The following HMCN1 variants were observed in gnomAD, a reference collection of about 807,000 sequenced individuals.
The protein encoded by HMCN1 is hemicentin 1, also known as hemicentin-1.
In HMCN1, 321 loss-of-function variants were observed where a neutral mutation model predicts 625.9. That is an observed-to-expected ratio of 0.51 (90% CI 0.47 to 0.56). The LOEUF (loss-of-function observed/expected upper bound fraction) is 0.56. Among genes scored for constraint, HMCN1 ranks in the 20% least tolerant of loss-of-function variants. HMCN1 has a pLI of 0.00. For missense variants in HMCN1, 6,588 were observed against 6,887.3 expected (o/e 0.96, Z 1.54); for synonymous variants, 2,425 against 2,417.6 (o/e 1.00, Z -0.09).
chr1:185,930,923 C>T (rs1005799451), intron 10 of HMCN1, among the ~76,000 whole-genome samples: 9 of 151,728 alleles, frequency 5.9e-5, no homozygotes, highest in African/African-American at 2.2e-4. Context: ...CACACACACA[C>T]ACACACACAC....
chr1:186,001,563 G>A, intron 27 of HMCN1, 31 bp from the exon 28 acceptor site: 1 of 1,611,936 alleles, frequency 6.2e-7, no homozygotes, highest in Non-Finnish European at 8.5e-7. Flanking sequence ...ATTAGGATTG[G>A]AAATAACACT....
intron 1 of HMCN1, among the ~76,000 whole-genome samples, chr1:185,814,535 A>G (rs986653623): frequency 1.3e-5 from 2 of 152,128 alleles, no homozygotes; most frequent in African/African-American, 4.8e-5. Context: ...AGTCAGTAGA[A>G]AATAAATTTC....
intron 1 of HMCN1, among the ~76,000 whole-genome samples, chr1:185,835,412 G>A (rs772314424): frequency 2.6e-5 from 4 of 151,840 alleles, no homozygotes; most frequent in Non-Finnish European, 5.9e-5. Flanking sequence ...TTCAATTGCC[G>A]CAGTGCATTG....
intron 4 of HMCN1, among the ~76,000 whole-genome samples, chr1:185,873,150 T>A (rs1321272214): frequency 6.6e-6 from 1 of 152,164 alleles, no homozygotes; most frequent in Non-Finnish European, 1.5e-5. Context: ...TGACTCTATT[T>A]TGATTAGAAG....
At chr1:186,001,143 C>CT in intron 26 of HMCN1, among the ~76,000 whole-genome samples, 155 bp from the exon 27 acceptor site, 1 of 152,070 alleles carries the variant, frequency 6.6e-6, no homozygotes, top group African/African-American at 2.4e-5. Context: ...TTGGTCAAAA[C>CT]TTTTTAATTT....
At chr1:185,921,872 G>C (rs1667023050) in intron 6 of HMCN1, among the ~76,000 whole-genome samples, 1 of 152,176 alleles carries the variant, frequency 6.6e-6, no homozygotes, top group South Asian at 2.1e-4. Flanking sequence ...GCCTTTGCTA[G>C]AACACTGCTG....
intron 1 of HMCN1, among the ~76,000 whole-genome samples, chr1:185,806,546 CAAAAAAAA>C (rs34411405): frequency 9.7e-6 from 1 of 103,408 alleles, no homozygotes; most frequent in African/African-American, 3.3e-5. Flanking sequence ...GACCCTGTCT[CAAAAAAAA>C]AAAAAAAAAA....
At chr1:186,179,054 C>T (rs141049237) in intron 104 of HMCN1, among the ~76,000 whole-genome samples, 2 of 152,302 alleles carry the variant, frequency 1.3e-5, no homozygotes, top group African/African-American at 2.4e-5. Context: ...AAATAAATTT[C>T]AGTGGCATCC....
intron 11 of HMCN1, among the ~76,000 whole-genome samples, chr1:185,940,827 G>A (rs919929227): frequency 6.6e-6 from 1 of 151,886 alleles, no homozygotes; most frequent in African/African-American, 2.4e-5. Flanking sequence ...GCAATGGCAC[G>A]ATCTTGGCTC....
chr1:186,189,446 C>T (rs1653572567), intron 106 of HMCN1, 66 bp from the exon 107 acceptor site: 1 of 1,561,194 alleles, frequency 6.4e-7, no homozygotes, highest in African/African-American at 1.3e-5. Flanking sequence ...GGATCATGAT[C>T]ACCTATATCA....
intron 73 of HMCN1, among the ~76,000 whole-genome samples, chr1:186,114,361 A>T (rs1348755576): frequency 6.6e-6 from 1 of 151,966 alleles, no homozygotes; most frequent in Non-Finnish European, 1.5e-5. Context: ...GGTTCAATTG[A>T]TTCTCCTGCC....
intron 2 of HMCN1, among the ~76,000 whole-genome samples, chr1:185,846,580 T>C (rs532422180): frequency 3.7e-4 from 57 of 152,354 alleles, no homozygotes; most frequent in Middle Eastern, 6.8e-3. Context: ...GTTTAAATGT[T>C]ATTCTGAAAA....
At chr1:185,921,119 T>C (rs907905314) in intron 6 of HMCN1, among the ~76,000 whole-genome samples, 2 of 152,088 alleles carry the variant, frequency 1.3e-5, no homozygotes, top group African/African-American at 4.8e-5. Context: ...CATTGACAAA[T>C]AATGGGATAA....
Position 185,933,633 on chromosome 1 carries a change from C to T in HMCN1, c.1637C>T (p.Ala546Val), listed in dbSNP as rs753767956. Residue 546 changes from alanine to valine, a missense_variant, in exon 11 of 107, where the codon GCG becomes GTG. By Grantham distance (64) the Ala-to-Val change is moderately conservative. This residue lies in a region of HMCN1 where 4,628 missense variants were observed against 4,853.1 expected (regional missense o/e 0.95). Transcript: ENST00000271588. ...RAVLTCLIIS[A>V]VDYNLTWQRN... ...GTTTTAACATGTCTCATCATCAGTG[C>T]GGTGGATTACAATCTAACCTGGCAG... is the stretch of plus-strand genomic sequence containing the variant. 1.7e-5 allele frequency: 28 copies of T among 1,613,810 alleles called. No individual in the cohort carries two copies. The highest frequency in any genetic ancestry group is 1.6e-4 in the Middle Eastern group (1 of 6,084).
At chr1:185,970,303 T>G in intron 14 of HMCN1, 32 bp from the exon 15 acceptor site, 2 of 1,587,886 alleles carry the variant, frequency 1.3e-6, no homozygotes, top group Non-Finnish European at 1.7e-6. Context: ...AATACTTTAG[T>G]GTTTAATGTT....
intron 1 of HMCN1, among the ~76,000 whole-genome samples, chr1:185,794,265 T>C (rs1332375507): frequency 1.3e-5 from 2 of 152,026 alleles, no homozygotes; most frequent in Non-Finnish European, 2.9e-5. Context: ...ATTATGAATT[T>C]AGCTAAGTTT....
intron 3 of HMCN1, among the ~76,000 whole-genome samples, chr1:185,865,184 C>G (rs1663101884): frequency 6.6e-6 from 1 of 152,204 alleles, no homozygotes; most frequent in Non-Finnish European, 1.5e-5. Flanking sequence ...GTCTTACCCT[C>G]TTTTTGAGAC....
chr1:185,987,463 A>T lies in HMCN1; in HGVS notation c.2967A>T (p.Ile989=), dbSNP rs1287264689. 6.2e-7 allele frequency: 1 copy of T among 1,613,824 alleles called. No homozygotes were observed. Among genetic ancestry groups the T allele is most frequent in the South Asian group, 1.1e-5 (1 of 91,080 alleles). Residue 989 remains isoleucine, a synonymous_variant, in exon 20 of 107, where the codon ATA becomes ATT. Coordinates refer to ENST00000271588, the MANE Select transcript of HMCN1 (RefSeq NM_031935.3). ...CAACCATTCAGCATGGGCAGCAGATACTCAGTACAATTGAAGGCATTCCAG... is the reference window on the plus strand; with the variant it reads ...CAACCATTCAGCATGGGCAGCAGATTCTCAGTACAATTGAAGGCATTCCAG... ...VLPTIQHGQQ[I]LSTIEGIPVT...
At chr1:185,912,460 G>A (rs948044006) in intron 6 of HMCN1, among the ~76,000 whole-genome samples, 1 of 152,146 alleles carries the variant, frequency 6.6e-6, no homozygotes, top group Non-Finnish European at 1.5e-5. Context: ...TTGGCAGTAC[G>A]GAGGAAAAAA....
Sources: allele counts gnomAD v4.1 joint callset (sites outside exome capture counted in the v4.1 genomes callset), GRCh38; gene constraint gnomAD v4.1.1; regional missense constraint gnomAD v4.1.1; transcripts MANE v1.5; gene names NCBI Gene and HGNC (gene_info 2026-07-23, HGNC 2026-07-21).